RASGRF2: variants seen among roughly 807,000 people sequenced by gnomAD.
RASGRF2 encodes Ras protein specific guanine nucleotide releasing factor 2.
RASGRF2 carries 76 observed loss-of-function variants against 151.0 expected under a neutral mutation model. The observed-to-expected ratio is 0.50, with a 90% confidence interval of 0.42 to 0.61. The LOEUF (loss-of-function observed/expected upper bound fraction) is 0.61. Among genes scored for constraint, RASGRF2 ranks in the 20% least tolerant of loss-of-function variants. RASGRF2 has a pLI of 0.00. For synonymous variants in RASGRF2, 504 were observed against 566.5 expected, an observed-to-expected ratio of 0.89 and a Z score of 1.57; for missense variants, 1,148 against 1,564.6, an observed-to-expected ratio of 0.73 and a Z score of 4.49.
At chr5:81,197,880 TC>T (rs1175813795) in intron 18 of RASGRF2, among the ~76,000 whole-genome samples, 1 of 152,224 alleles carries the variant, frequency 6.6e-6, no homozygotes, top group Admixed American at 6.5e-5. Flanking sequence ...TAACAATTCC[TC>T]TCTGCTGCCT....
At chr5:81,172,419 G>A (rs1012896696) in intron 17 of RASGRF2, among the ~76,000 whole-genome samples, 15 of 146,132 alleles carry the variant, frequency 1.0e-4, no homozygotes, top group African/African-American at 2.3e-4. Flanking sequence ...GCTTTCCCTC[G>A]TCTACAAGGA....
chr5:81,091,784 A>G (rs1195027725), intron 9 of RASGRF2, among the ~76,000 whole-genome samples: 1 of 152,166 alleles, frequency 6.6e-6, no homozygotes, highest in Non-Finnish European at 1.5e-5. Flanking sequence ...GAAGAGGAAA[A>G]TAAGGTTGTC....
chr5:81,102,692 C>A (rs1473738996), intron 12 of RASGRF2, among the ~76,000 whole-genome samples: 13 of 145,504 alleles, frequency 8.9e-5, no homozygotes, highest in Admixed American at 5.5e-4. Context: ...GAGACTCTGT[C>A]TCCCAAAAAA....
At chr5:81,082,791 T>C (rs116387422) in intron 7 of RASGRF2, among the ~76,000 whole-genome samples, 1,584 of 152,356 alleles carry the variant, frequency 0.01, 21 homozygotes, top group African/African-American at 0.036. Context: ...GTGGGAGGCT[T>C]TGATCTGGAA....
At position 81,212,417 on chromosome 5, in the gene RASGRF2, C is replaced by T. The variant is rs376022126; in HGVS notation, c.3208C>T (p.Arg1070Cys). 13 of 1,613,776 alleles carry T rather than the reference C, an allele frequency of 8.1e-6. No homozygotes were observed. Among genetic ancestry groups the T allele is most frequent in the South Asian group, 4.4e-5 (4 of 91,032 alleles). The change falls in exon 23 of 27, where the codon CGT (arginine) becomes TGT (cysteine). Residue 1070 changes from arginine to cysteine, a missense_variant. Arg to Cys is a radical substitution (Grantham distance 180, BLOSUM62 -3). Around this residue, in one of 5 missense-constraint regions of RASGRF2, gnomAD observed 646 missense variants for 807.4 expected, o/e 0.80. Coordinates refer to ENST00000265080, the MANE Select transcript of RASGRF2 (RefSeq NM_006909.3). ...QIMNYADVSS[R>C]ANAIEKWVAV... ...AATGAACTATGCTGATGTCAGCTCC[C>T]GTGCCAACGCCATCGAGAAATGGGT...
chr5:80,972,733 G>C (rs1276400065), intron 1 of RASGRF2, among the ~76,000 whole-genome samples: 2 of 152,140 alleles, frequency 1.3e-5, no homozygotes, highest in African/African-American at 4.8e-5. Context: ...GCCCACCTCG[G>C]CCTCCCAAAG....
chr5:81,036,822 A>G (rs965800272), intron 1 of RASGRF2, among the ~76,000 whole-genome samples: 1 of 152,006 alleles, frequency 6.6e-6, no homozygotes, highest in Non-Finnish European at 1.5e-5. Flanking sequence ...GACCCTCTGT[A>G]TTTCTATTTC....
intron 2 of RASGRF2, among the ~76,000 whole-genome samples, chr5:81,047,559 G>A (rs1296651556): frequency 6.6e-6 from 1 of 152,132 alleles, no homozygotes; most frequent in East Asian, 1.9e-4. Flanking sequence ...TCTTGAGCAG[G>A]CAGATCGTAG....
intron 1 of RASGRF2, among the ~76,000 whole-genome samples, chr5:80,966,983 C>G (rs970386631): frequency 3.3e-5 from 5 of 151,946 alleles, no homozygotes; most frequent in African/African-American, 1.2e-4. Context: ...GTTGGGGAGG[C>G]CTATATAAGA....
intron 22 of RASGRF2, among the ~76,000 whole-genome samples, chr5:81,209,035 G>C (rs893407044): frequency 1.3e-5 from 2 of 152,130 alleles, no homozygotes; most frequent in Non-Finnish European, 2.9e-5. Flanking sequence ...ACTACTTCCT[G>C]TTCATATATT....
At chr5:81,006,316 G>C (rs1397284295) in intron 1 of RASGRF2, among the ~76,000 whole-genome samples, 2 of 152,152 alleles carry the variant, frequency 1.3e-5, no homozygotes, top group Non-Finnish European at 1.5e-5. Context: ...TTGCCCTTCA[G>C]ACTGGTCTTG....
chr5:81,105,906 C>T (rs1405545623), intron 12 of RASGRF2, among the ~76,000 whole-genome samples: 2 of 152,214 alleles, frequency 1.3e-5, no homozygotes, highest in African/African-American at 4.8e-5. Flanking sequence ...TTGCCTTACT[C>T]ATCTTCAAAC....
chr5:81,138,906 A>G (rs1435650152), intron 17 of RASGRF2, among the ~76,000 whole-genome samples: 1 of 151,792 alleles, frequency 6.6e-6, no homozygotes, highest in Non-Finnish European at 1.5e-5. Flanking sequence ...TAAGTTCTTT[A>G]TGTGTCAGAG....
At chr5:81,057,200 T>C (rs1200811349) in intron 2 of RASGRF2, among the ~76,000 whole-genome samples, 5 of 152,242 alleles carry the variant, frequency 3.3e-5, no homozygotes, top group African/African-American at 7.2e-5. Context: ...TTTTGCTCCT[T>C]AGTTGATGCA....
chr5:81,023,018 G>C (rs1296144229), intron 1 of RASGRF2, among the ~76,000 whole-genome samples: 1 of 141,596 alleles, frequency 7.1e-6, no homozygotes, highest in Non-Finnish European at 1.5e-5. Context: ...TGGAGCAGCT[G>C]TTGAGTCCAG....
chr5:81,217,573 T>TTC, intron 25 of RASGRF2, 100 bp downstream of exon 25: 1 of 481,516 alleles, frequency 2.1e-6, no homozygotes, highest in Non-Finnish European at 3.0e-6. Flanking sequence ...TTTTTTCTCT[T>TTC]CTTTTTTTTT....
At chr5:81,134,485 G>T (rs1365627065) in intron 17 of RASGRF2, among the ~76,000 whole-genome samples, 1 of 151,978 alleles carries the variant, frequency 6.6e-6, no homozygotes. Context: ...GTGATCTCTG[G>T]GCCTGTAGCA....
At chr5:81,109,135 G>A in intron 13 of RASGRF2, 57 bp downstream of exon 13, 2 of 1,568,042 alleles carry the variant, frequency 1.3e-6, no homozygotes, top group Non-Finnish European at 1.7e-6. Flanking sequence ...GGCGGAACAT[G>A]TAAAACCTTG....
intron 17 of RASGRF2, among the ~76,000 whole-genome samples, chr5:81,160,709 T>C (rs989827231): frequency 6.7e-6 from 1 of 148,624 alleles, no homozygotes; most frequent in Non-Finnish European, 1.5e-5. Flanking sequence ...ATAATAATAA[T>C]AATAATAATA....
Sources: gnomAD v4.1 joint callset for allele counts (sites outside exome capture counted in the v4.1 genomes callset) on GRCh38, gnomAD v4.1.1 for gene constraint, gnomAD v4.1.1 regional missense constraint, MANE v1.5 for transcripts, NCBI Gene and HGNC (gene_info 2026-07-23, HGNC 2026-07-21) for gene names.